The following DMD variants were observed in gnomAD, a reference collection of about 807,000 sequenced individuals.
The protein encoded by DMD is mutant dystrophin.
DMD carries 63 observed loss-of-function variants against 330.1 expected under a neutral mutation model. The observed-to-expected ratio is 0.19, with a 90% CI of 0.16 to 0.24. DMD has a LOEUF of 0.24. Ranked by LOEUF, DMD falls within the 10% of genes least tolerant of loss-of-function variation. DMD has a pLI of 1.00. For missense variants in DMD, 3,344 were observed against 2,684.1 expected (o/e 1.25, Z -5.43); for synonymous variants, 1,223 against 959.8 (o/e 1.27, Z -5.07).
At chrX:32,241,493 A>G (rs1039636201) in intron 43 of DMD, among the ~76,000 whole-genome samples, 2 of 112,266 alleles carry the variant, frequency 1.8e-5, no homozygotes, top group African/African-American at 6.5e-5. Context: ...CAAGCACCAC[A>G]GCCCAGCCTC....
At chrX:32,846,134 C>T (rs555315302) in intron 3 of DMD, among the ~76,000 whole-genome samples, 2 of 112,009 alleles carry the variant, frequency 1.8e-5, no homozygotes, top group South Asian at 3.7e-4. Flanking sequence ...TTATTGACTT[C>T]GTAGTATGTG....
At position 33,107,167 on chromosome X, in the gene DMD, C is replaced by A. The variant is rs1028738488; in HGVS notation, c.32-86967G>T. Among the ~76,000 whole-genome samples the A allele has an allele frequency of 2.7e-5, 3 of 110,780 alleles. No individual in the cohort carries two copies. The Admixed American group carries it at 2.9e-4, about 11-fold the overall frequency. ...TCTCTACTAAAAATACAAAAATTAG[C>A]TGGCTGTGGTGGCGGATGCCTGTAA... is the stretch of plus-strand genomic sequence containing the variant. On this transcript the variant is annotated intron_variant, in intron 1 of 78. Coordinates refer to ENST00000357033, the MANE Select transcript of DMD (RefSeq NM_004006.3).
intron 16 of DMD, among the ~76,000 whole-genome samples, chrX:32,564,205 G>C (rs984886674): frequency 1.8e-5 from 2 of 112,019 alleles, no homozygotes; most frequent in African/African-American, 3.2e-5. Context: ...ACTCAAGTTT[G>C]AGAACCACTC....
At chrX:32,896,921 G>A (rs2085775015) in intron 2 of DMD, among the ~76,000 whole-genome samples, 1 of 112,218 alleles carries the variant, frequency 8.9e-6, no homozygotes, top group Non-Finnish European at 1.9e-5. Context: ...GTCAGCAATT[G>A]AAACAACAAA....
At chrX:32,950,424 C>A (rs2091176991) in intron 2 of DMD, among the ~76,000 whole-genome samples, 1 of 110,935 alleles carries the variant, frequency 9.0e-6, no homozygotes, top group Admixed American at 9.7e-5. Context: ...TACACTGCAC[C>A]ACCCTGTATG....
intron 52 of DMD, among the ~76,000 whole-genome samples, chrX:31,715,323 T>C (rs2084952413): frequency 1.9e-5 from 2 of 106,923 alleles, no homozygotes; most frequent in African/African-American, 6.9e-5. Flanking sequence ...GACGGGCGGA[T>C]CACGAGGTCA....
chrX:32,015,423 T>G (rs1036676207), intron 44 of DMD, among the ~76,000 whole-genome samples: 1 of 110,318 alleles, frequency 9.1e-6, no homozygotes, highest in Non-Finnish European at 1.9e-5. Flanking sequence ...ACATTTGGAG[T>G]GTCAGAACCC....
chrX:32,150,886 G>C (rs1161045788), intron 44 of DMD, among the ~76,000 whole-genome samples: 1 of 111,079 alleles, frequency 9.0e-6, no homozygotes, highest in Non-Finnish European at 1.9e-5. Context: ...AGCTATATCA[G>C]GTCCAAACTA....
At chrX:33,048,821 G>A (rs1020003365) in intron 1 of DMD, among the ~76,000 whole-genome samples, 11 of 110,313 alleles carry the variant, frequency 1.0e-4, no homozygotes, top group African/African-American at 3.6e-4. Flanking sequence ...AAAGAAAGGG[G>A]GCACCGCAAG....
At chrX:33,069,762 G>A (rs1281422470) in intron 1 of DMD, among the ~76,000 whole-genome samples, 1 of 111,348 alleles carries the variant, frequency 9.0e-6, no homozygotes, top group Non-Finnish European at 1.9e-5. Flanking sequence ...TTTGCTCTGG[G>A]CTAAGTATTA....
intron 44 of DMD, among the ~76,000 whole-genome samples, chrX:32,210,156 C>T (rs941954695): frequency 2.5e-4 from 28 of 111,935 alleles, no homozygotes; most frequent in African/African-American, 9.1e-4. Context: ...TTGAAAAGCT[C>T]ATTTTAAAAT....
chrX:32,016,918 A>G (rs1250815656), intron 44 of DMD, among the ~76,000 whole-genome samples: 2 of 112,722 alleles, frequency 1.8e-5, no homozygotes, highest in Non-Finnish European at 3.7e-5. Context: ...TGGGATAAGA[A>G]GCTGTAAATA....
chrX:32,435,278 A>G (rs1369785531), intron 29 of DMD, among the ~76,000 whole-genome samples: 1 of 61,662 alleles, frequency 1.6e-5, no homozygotes, highest in Non-Finnish European at 2.9e-5. Context: ...ATACTTACAT[A>G]TATATATATA....
chrX:32,866,592 T>G (rs1274650485), intron 2 of DMD, among the ~76,000 whole-genome samples: 1 of 111,009 alleles, frequency 9.0e-6, no homozygotes, highest in Non-Finnish European at 1.9e-5. Flanking sequence ...AAGAACACAG[T>G]CATTATATTC....
At chrX:32,429,032 C>A (rs1426689999) in intron 29 of DMD, among the ~76,000 whole-genome samples, 1 of 110,926 alleles carries the variant, frequency 9.0e-6, no homozygotes, top group Non-Finnish European at 1.9e-5. Flanking sequence ...ATTGATTAAT[C>A]CTTTTCGGAA....
chrX:31,339,884 C>T (rs982124945), intron 61 of DMD, among the ~76,000 whole-genome samples: 1 of 112,333 alleles, frequency 8.9e-6, no homozygotes, highest in African/African-American at 3.2e-5. Context: ...CTCATGATGG[C>T]TTATTTAAGC....
intron 50 of DMD, among the ~76,000 whole-genome samples, chrX:31,796,272 A>G (rs1260484359): frequency 8.9e-6 from 1 of 112,289 alleles, no homozygotes; most frequent in Non-Finnish European, 1.9e-5. Context: ...GCAGTGCTAA[A>G]TAAGAGATAA....
At chrX:32,079,886 G>A (rs1176667152) in intron 44 of DMD, among the ~76,000 whole-genome samples, 1 of 111,969 alleles carries the variant, frequency 8.9e-6, no homozygotes, top group Non-Finnish European at 1.9e-5. Context: ...ATAGGTGTTT[G>A]ATAAACTTTT....
chrX:31,769,887 T>C (rs1259550335), intron 51 of DMD, among the ~76,000 whole-genome samples: 2 of 111,895 alleles, frequency 1.8e-5, no homozygotes, highest in African/African-American at 3.3e-5. Context: ...TTCAGGAGAA[T>C]TGCCTTTCCC....
Sources: allele counts gnomAD v4.1 joint callset (sites outside exome capture counted in the v4.1 genomes callset), GRCh38; gene constraint gnomAD v4.1.1; transcripts MANE v1.5; gene names NCBI Gene and HGNC (gene_info 2026-07-23, HGNC 2026-07-21).